The following ENTREP2 variants were observed in gnomAD, a reference collection of about 807,000 sequenced individuals.
ENTREP2 encodes the protein protein ENTREP2.
the ENTREP2 span, among the ~76,000 whole-genome samples, chr15:29,401,627 A>G: frequency 1.3e-5 from 2 of 152,324 alleles, no homozygotes; most frequent in East Asian, 1.9e-4. Context: ...AACTGTACAT[A>G]CCCATACTCA....
At chr15:29,521,150 T>A in the ENTREP2 span, among the ~76,000 whole-genome samples, 3 of 152,110 alleles carry the variant, frequency 2.0e-5, no homozygotes, top group Non-Finnish European at 4.4e-5. Flanking sequence ...CACCCCACAA[T>A]GCAGAAGACA....
chr15:29,276,752 C>CATTAAGCAAATTAAGCAAAGCAGA, the ENTREP2 span, among the ~76,000 whole-genome samples: 2 of 152,200 alleles, frequency 1.3e-5, no homozygotes, highest in Non-Finnish European at 2.9e-5. Context: ...TCTCCTTTTG[C>CATTAAGCAAATTAAGCAAAGCAGA]TTAATCTGCT....
chr15:29,170,101 A>T, the ENTREP2 span, among the ~76,000 whole-genome samples: 5 of 151,988 alleles, frequency 3.3e-5, no homozygotes, highest in Admixed American at 1.3e-4. Flanking sequence ...AGGTCAGAAG[A>T]TTGAGACCAT....
chr15:29,286,802 T>A, the ENTREP2 span, among the ~76,000 whole-genome samples: 1 of 152,194 alleles, frequency 6.6e-6, no homozygotes, highest in Admixed American at 6.5e-5. Flanking sequence ...AAAAAGTATT[T>A]CTTCTTTCTC....
At chr15:29,496,944 A>G in the ENTREP2 span, among the ~76,000 whole-genome samples, 1 of 152,138 alleles carries the variant, frequency 6.6e-6, no homozygotes, top group Non-Finnish European at 1.5e-5. Context: ...CCTTCTTGCT[A>G]TGGTTTGAAT....
At chr15:29,441,166 G>C in the ENTREP2 span, among the ~76,000 whole-genome samples, 4 of 152,204 alleles carry the variant, frequency 2.6e-5, no homozygotes, top group African/African-American at 9.6e-5. Context: ...CCACAACATG[G>C]ATGGACCCTG....
the ENTREP2 span, among the ~76,000 whole-genome samples, chr15:29,512,791 GA>G: frequency 6.6e-6 from 1 of 152,154 alleles, no homozygotes; most frequent in Non-Finnish European, 1.5e-5. Flanking sequence ...TATCCCATTA[GA>G]GAGCAGCCCG....
At chr15:29,178,092 G>T in the ENTREP2 span, among the ~76,000 whole-genome samples, 4 of 151,862 alleles carry the variant, frequency 2.6e-5, no homozygotes, top group African/African-American at 9.7e-5. Flanking sequence ...CAGGAGTTGG[G>T]GACCAGCCTG....
At chr15:29,242,980 C>T in the ENTREP2 span, among the ~76,000 whole-genome samples, 4 of 152,188 alleles carry the variant, frequency 2.6e-5, no homozygotes, top group African/African-American at 9.6e-5. Context: ...AAGGCAGGGA[C>T]GTGGTGCCCA....
the ENTREP2 span, among the ~76,000 whole-genome samples, chr15:29,660,869 T>C: frequency 1.4e-4 from 22 of 152,308 alleles, no homozygotes; most frequent in African/African-American, 4.6e-4. Flanking sequence ...GAAACCTGCA[T>C]ACACAAAGGG....
At chr15:29,469,778 A>AT in the ENTREP2 span, among the ~76,000 whole-genome samples, 75,438 of 150,956 alleles carry the variant, frequency 0.5, 19,797 homozygotes, top group African/African-American at 0.68. Flanking sequence ...TAATAAATTA[A>AT]TTTTTTTTAA....
chr15:29,166,021 G>GC, the ENTREP2 span, among the ~76,000 whole-genome samples: 1 of 152,066 alleles, frequency 6.6e-6, no homozygotes, highest in African/African-American at 2.4e-5. Flanking sequence ...TTTAACATAT[G>GC]CAAGTCAATA....
chr15:29,657,475 T>TG, the ENTREP2 span, among the ~76,000 whole-genome samples: 74 of 3,800 alleles, frequency 0.019, 1 homozygote, highest in Non-Finnish European at 0.022. Context: ...CGCTGTCGGC[T>TG]GGGGGGGCGG....
chr15:29,218,841 A>G, the ENTREP2 span, among the ~76,000 whole-genome samples: 1 of 152,234 alleles, frequency 6.6e-6, no homozygotes, highest in African/African-American at 2.4e-5. Context: ...ACTTAAATCT[A>G]AGACCTGAAA....
At chr15:29,347,909 C>T in the ENTREP2 span, among the ~76,000 whole-genome samples, 1 of 152,266 alleles carries the variant, frequency 6.6e-6, no homozygotes, top group South Asian at 2.1e-4. Context: ...AGCCCAGAGC[C>T]TTGTATTGGG....
chr15:29,633,719 GGGA>G, the ENTREP2 span, among the ~76,000 whole-genome samples: 1 of 152,198 alleles, frequency 6.6e-6, no homozygotes, highest in Non-Finnish European at 1.5e-5. Context: ...CCAGCACTTT[GGGA>G]GGCCGATGTG....
the ENTREP2 span, among the ~76,000 whole-genome samples, chr15:29,218,877 T>C: frequency 4.6e-5 from 7 of 152,184 alleles, no homozygotes; most frequent in African/African-American, 7.2e-5. Flanking sequence ...AAGATAACTT[T>C]GGAGAAACCC....
At chr15:29,368,435 T>C in the ENTREP2 span, among the ~76,000 whole-genome samples, 1 of 150,478 alleles carries the variant, frequency 6.6e-6, no homozygotes, top group Non-Finnish European at 1.5e-5. Context: ...GAGAAAGGCA[T>C]GGTGGACTTA....
the ENTREP2 span, among the ~76,000 whole-genome samples, chr15:29,503,160 G>A: frequency 1.2e-4 from 19 of 152,048 alleles, no homozygotes; most frequent in African/African-American, 4.6e-4. Flanking sequence ...TGTTCACAGC[G>A]GCAATCATAA....
Sources: allele counts gnomAD v4.1 joint callset (sites outside exome capture counted in the v4.1 genomes callset), GRCh38; gene constraint gnomAD v4.1.1; transcripts MANE v1.5; gene names NCBI Gene and HGNC (gene_info 2026-07-23, HGNC 2026-07-21).